The following C7 variants were observed in gnomAD, a reference collection of about 807,000 sequenced individuals.
C7 encodes complement C7.
C7 carries 83 observed loss-of-function variants against 104.8 expected under a neutral mutation model. The observed-to-expected ratio is 0.79, with a 90% confidence interval of 0.66 to 0.95. The LOEUF (loss-of-function observed/expected upper bound fraction) is 0.95. Among genes scored for constraint, C7 ranks in the 40% least tolerant of loss-of-function variants. C7 has a pLI of 0.00. For missense variants in C7, 1,070 were observed against 1,011.2 expected, an observed-to-expected ratio of 1.06 and a Z score of -0.79; for synonymous variants, 415 against 360.6, an observed-to-expected ratio of 1.15 and a Z score of -1.71.
In C7 at chr5:40,964,956, T is replaced by C. The variant is rs1363564831; in HGVS notation, c.1882+83T>C. The C allele has an allele frequency of 1.3e-5, 20 of 1,486,636 alleles. No homozygotes were observed. The African/African-American group carries it at 2.8e-4, about 21-fold the overall frequency. The allele number at this position is 1,486,636 out of a possible 1,614,324, so 92.1% of individuals were successfully genotyped here. On this transcript the variant is annotated intron_variant, in intron 14 of 17. Coordinates refer to ENST00000313164, the MANE Select transcript of C7 (RefSeq NM_000587.4). ...ATCAAGATAAATAACACTCACCATA[T>C]GGCCCATGTGTTGGCCTTCCTTTCC... is the stretch of plus-strand genomic sequence containing the variant.
At chr5:40,963,526 G>T (rs770446315) in intron 13 of C7, among the ~76,000 whole-genome samples, 1 of 152,094 alleles carries the variant, frequency 6.6e-6, no homozygotes, top group African/African-American at 2.4e-5. Flanking sequence ...CCATGATAGA[G>T]CCAGAGTGGG....
At chr5:40,917,236 T>TTTGTAACCTTTG in intron 1 of C7, among the ~76,000 whole-genome samples, 1 of 152,256 alleles carries the variant, frequency 6.6e-6, no homozygotes, top group Non-Finnish European at 1.5e-5. Flanking sequence ...TAACTGAAGT[T>TTTGTAACCTTTG]TTGTAACCTT....
At chr5:40,944,702 T>A (rs952122199) in intron 6 of C7, among the ~76,000 whole-genome samples, 12 of 152,202 alleles carry the variant, frequency 7.9e-5, no homozygotes, top group Non-Finnish European at 1.8e-4. Flanking sequence ...AAGAAAAAAA[T>A]GCAATTTTAG....
intron 15 of C7, among the ~76,000 whole-genome samples, chr5:40,974,276 C>T (rs1472416478): frequency 6.6e-6 from 1 of 152,128 alleles, no homozygotes; most frequent in East Asian, 1.9e-4. Flanking sequence ...AGCAAAAGCA[C>T]ATACTTTCGG....
chr5:40,930,166 C>G (rs1739647276), intron 2 of C7, among the ~76,000 whole-genome samples: 1 of 150,356 alleles, frequency 6.7e-6, no homozygotes, highest in Admixed American at 6.6e-5. Flanking sequence ...ACATCTGTGT[C>G]TCTGTCCTTC....
chr5:40,963,356 C>T (rs1740462136), intron 13 of C7, among the ~76,000 whole-genome samples: 1 of 152,194 alleles, frequency 6.6e-6, no homozygotes, highest in Non-Finnish European at 1.5e-5. Flanking sequence ...CGCATTTGTG[C>T]ACTGTTGAAT....
intron 15 of C7, among the ~76,000 whole-genome samples, chr5:40,973,045 TA>T (rs1476035936): frequency 6.6e-6 from 1 of 152,224 alleles, no homozygotes; most frequent in Non-Finnish European, 1.5e-5. Flanking sequence ...ATTGAAAATT[TA>T]GAAAGCATTT....
At chr5:40,957,562 T>C (rs1224066202) in intron 10 of C7, among the ~76,000 whole-genome samples, 1 of 152,060 alleles carries the variant, frequency 6.6e-6, no homozygotes, top group Admixed American at 6.6e-5. Flanking sequence ...TTCAAGTGAT[T>C]CTCCTGCCTC....
At position 40,965,648 on chromosome 5, in the gene C7, A is replaced by ATATATTT. The variant is rs35802990; in HGVS notation, c.1882+776_1882+777insATATTTT. ...TAGTGATATATATATATATATATAT[A>ATATATTT]TTTTTTTTTTGGAGACAGAGTCTCA... is the stretch of plus-strand genomic sequence containing the variant. On this transcript the variant is annotated intron_variant, in intron 14 of 17. Coordinates refer to ENST00000313164, the MANE Select transcript of C7 (RefSeq NM_000587.4). Among the ~76,000 whole-genome samples, 158 of 130,294 alleles carry ATATATTT rather than the reference A, an allele frequency of 1.2e-3. 1 individual carries two copies. The highest frequency in any genetic ancestry group is 1.9e-3 in the Non-Finnish European group (123 of 64,428). 85.5% of individuals were successfully genotyped at this position (130,294 alleles called of 152,430 possible).
At chr5:40,923,483 C>T (rs1018677728) in intron 1 of C7, among the ~76,000 whole-genome samples, 4 of 152,078 alleles carry the variant, frequency 2.6e-5, no homozygotes, top group Admixed American at 6.6e-5. Context: ...TGGTGGCTCC[C>T]GCCTGTAATC....
intron 9 of C7, among the ~76,000 whole-genome samples, chr5:40,955,074 T>C (rs1740259344): frequency 6.6e-6 from 1 of 152,114 alleles, no homozygotes; most frequent in Admixed American, 6.6e-5. Flanking sequence ...TTTGTTACAA[T>C]GGATGAACCT....
intron 8 of C7, 63 bp from the exon 9 acceptor site, chr5:40,949,841 A>G: frequency 2.0e-6 from 2 of 998,332 alleles, no homozygotes; most frequent in Non-Finnish European, 3.1e-6. Context: ...CCCTACTCTC[A>G]TATCTGAAGA....
At chr5:40,953,235 TA>T (rs1166631360) in intron 9 of C7, among the ~76,000 whole-genome samples, 1 of 152,130 alleles carries the variant, frequency 6.6e-6, no homozygotes, top group African/African-American at 2.4e-5. Context: ...ATGTGAGGGT[TA>T]AAAAAATTGA....
intron 15 of C7, among the ~76,000 whole-genome samples, chr5:40,973,604 G>A (rs967749274): frequency 2.0e-5 from 3 of 152,210 alleles, no homozygotes; most frequent in African/African-American, 7.2e-5. Flanking sequence ...TGCCCTCCCT[G>A]CCTGTCCTGA....
intron 13 of C7, among the ~76,000 whole-genome samples, chr5:40,964,197 C>T (rs899205882): frequency 3.3e-5 from 5 of 151,478 alleles, no homozygotes; most frequent in African/African-American, 1.2e-4. Flanking sequence ...CATGCACCAC[C>T]ATGCCCTGCT....
intron 11 of C7, 43 bp from the exon 12 acceptor site, chr5:40,959,403 AGCC>A: frequency 6.4e-7 from 1 of 1,558,250 alleles, no homozygotes; most frequent in South Asian, 1.2e-5. Context: ...TAAGTTCCCA[AGCC>A]CTCTTTAAGA....
intron 1 of C7, among the ~76,000 whole-genome samples, chr5:40,924,497 C>T (rs1237343623): frequency 6.6e-6 from 1 of 152,210 alleles, no homozygotes; most frequent in African/African-American, 2.4e-5. Flanking sequence ...GGACAGTGAT[C>T]CCCTTTCCAC....
chr5:40,953,633 C>G (rs1179637802), intron 9 of C7, among the ~76,000 whole-genome samples: 3 of 77,782 alleles, frequency 3.9e-5, no homozygotes, highest in Non-Finnish European at 7.0e-5. Flanking sequence ...GAGCAAGACT[C>G]TGTCTCAAAA....
rs1226994217 is a variant in C7, at chr5:40,937,508, A to G, written c.429-44A>G. ...CCACCAAGTGCTATTTCTGGTTTTT[A>G]ACGGCTTTTTATTTCCTCCTTCTCC... On this transcript the variant is annotated intron_variant, in intron 5 of 17. Transcript: ENST00000313164. 3 of 1,552,090 alleles carry G rather than the reference A, an allele frequency of 1.9e-6. No individual in the cohort carries two copies. In the African/African-American group the frequency reaches 4.1e-5, roughly 21 times the overall value.
Sources: allele counts gnomAD v4.1 joint callset (sites outside exome capture counted in the v4.1 genomes callset), GRCh38; gene constraint gnomAD v4.1.1; transcripts MANE v1.5; gene names NCBI Gene and HGNC (gene_info 2026-07-23, HGNC 2026-07-21).